HORMAD2: variants seen among roughly 807,000 people sequenced by gnomAD.
The protein encoded by HORMAD2 is HORMA domain-containing protein 2.
Under a neutral mutation model 38.8 loss-of-function variants are expected in HORMAD2, and 45 were observed. That is an observed-to-expected ratio of 1.16 (90% CI 0.91 to 1.49). The LOEUF (loss-of-function observed/expected upper bound fraction) is 1.49, where lower values mean the gene tolerates loss of function less well. Ranked by LOEUF, HORMAD2 falls within the 40% of genes most tolerant of loss-of-function variation. The pLI is 0.00. For synonymous variants in HORMAD2, 126 were observed against 122.8 expected (o/e 1.03, Z -0.17); for missense variants, 338 against 367.0 (o/e 0.92, Z 0.65).
the HORMAD2 span, among the ~76,000 whole-genome samples, chr22:30,185,116 G>A: frequency 1.3e-5 from 2 of 152,268 alleles, no homozygotes; most frequent in South Asian, 4.1e-4. Flanking sequence ...TCTAAATCTG[G>A]CACAGTACCT....
rs1484344958 is a variant in HORMAD2, at chr22:30,118,867, A to G, written c.343-113A>G. 9 of 691,446 alleles carry G rather than the reference A, an allele frequency of 1.3e-5. No homozygotes were observed. In the Admixed American group the frequency reaches 1.4e-4, roughly 10 times the overall value. 42.8% of individuals were successfully genotyped at this position (691,446 alleles called of 1,614,324 possible). A position where few individuals can be genotyped will look rare whatever the true frequency, so the allele number is the denominator to read the frequency against. On this transcript the variant is annotated intron_variant, in intron 7 of 10. Transcript: ENST00000336726. ...ATGTGATACTGTGAAACAAACAGCT[A>G]TATAGGAAGTACAGTAGATATACAG... is the stretch of plus-strand genomic sequence containing the variant.
intron 3 of HORMAD2, among the ~76,000 whole-genome samples, chr22:30,099,824 T>C (rs1053953149): frequency 5.3e-5 from 8 of 152,154 alleles, no homozygotes; most frequent in African/African-American, 1.9e-4. Flanking sequence ...GAGACAGATA[T>C]TGCAATGAGC....
intron 10 of HORMAD2, among the ~76,000 whole-genome samples, chr22:30,144,208 A>T (rs1293596076): frequency 1.3e-5 from 2 of 152,212 alleles, no homozygotes; most frequent in African/African-American, 4.8e-5. Context: ...TGTCCCAGGC[A>T]TATATTACTC....
chr22:30,078,523 T>C (rs1335885600), upstream of HORMAD2, among the ~76,000 whole-genome samples: 2 of 141,444 alleles, frequency 1.4e-5, no homozygotes, highest in Non-Finnish European at 3.0e-5. Context: ...GGAGAATCAC[T>C]TGAGCCTGGG....
At chr22:30,180,045 T>G (rs1055616935), downstream of HORMAD2, among the ~76,000 whole-genome samples, 1 of 152,060 alleles carries the variant, frequency 6.6e-6, no homozygotes. Flanking sequence ...CATGCCACCA[T>G]GCCCAGATAA....
intron 7 of HORMAD2, among the ~76,000 whole-genome samples, chr22:30,117,148 A>G (rs894361001): frequency 2.6e-5 from 4 of 152,224 alleles, no homozygotes; most frequent in Non-Finnish European, 1.5e-5. Context: ...TTTTCCCAAG[A>G]TCTGATCACC....
chr22:30,092,742 G>T lies in HORMAD2; in HGVS notation c.-37-1174G>T, dbSNP rs191575530. ...TTCTCCAGAACCATTTTTTGACAAGGGTATCTTTTCCCCAATGTATGTTCT... is the reference window on the plus strand; with the variant it reads ...TTCTCCAGAACCATTTTTTGACAAGTGTATCTTTTCCCCAATGTATGTTCT... On this transcript the variant is annotated intron_variant, in intron 1 of 10. Transcript: ENST00000336726. Among the ~76,000 whole-genome samples, 261 of 151,880 alleles carry T rather than the reference G, an allele frequency of 1.7e-3. 2 individuals are homozygous for T. The highest frequency in any genetic ancestry group is 0.017 in the Middle Eastern group (5 of 294).
At chr22:30,203,175 A>T in the HORMAD2 span, among the ~76,000 whole-genome samples, 2 of 152,192 alleles carry the variant, frequency 1.3e-5, no homozygotes, top group Non-Finnish European at 2.9e-5. Context: ...CGGGTGGATC[A>T]TTTGAGGTCA....
At chr22:30,086,632 ACT>A (rs751774601) in intron 1 of HORMAD2, among the ~76,000 whole-genome samples, 16 of 152,032 alleles carry the variant, frequency 1.1e-4, no homozygotes, top group South Asian at 4.1e-4. Context: ...TAATTTAAAA[ACT>A]CTGGCTGCAA....
rs1017500730 is a variant in HORMAD2 at position 30,137,510 on chromosome 22, G to A, written c.819+15296G>A. The A allele has an allele frequency of 2.0e-5, 3 of 152,730 alleles. No homozygotes were observed. In the Admixed American group the frequency reaches 2.0e-4, roughly 10 times the overall value. The allele number at this position is 152,730 out of a possible 1,614,324, so 9.5% of individuals were successfully genotyped here. On this transcript the variant is annotated intron_variant, in intron 10 of 10. Coordinates refer to ENST00000336726, the MANE Select transcript of HORMAD2 (RefSeq NM_152510.4). Reference sequence around the variant, plus strand: ...TTCAAAAAAGGAAGGAAGGAAGGGAGGGAGGGAGGGAGGGGGAATGGAAAG... The same window carrying A: ...TTCAAAAAAGGAAGGAAGGAAGGGAAGGAGGGAGGGAGGGGGAATGGAAAG...
At chr22:30,158,784 C>T (rs186913508) in intron 10 of HORMAD2, among the ~76,000 whole-genome samples, 387 of 151,628 alleles carry the variant, frequency 2.6e-3, no homozygotes, top group African/African-American at 9.0e-3. Context: ...TCCTGGGCTC[C>T]CGCGATCCTC....
Position 30,155,089 on chromosome 22 carries a change from A to G in HORMAD2, c.820-20974A>G, listed in dbSNP as rs112389060. 9.3e-3 allele frequency among the ~76,000 whole-genome samples: 1,404 copies of G among 151,684 alleles called. 8 individuals are homozygous for G. Among genetic ancestry groups the G allele is most frequent in the African/African-American group, 0.015 (633 of 41,384 alleles). On this transcript the variant is annotated intron_variant, in intron 10 of 10. Coordinates refer to ENST00000336726, the MANE Select transcript of HORMAD2 (RefSeq NM_152510.4). Reference sequence around the variant, plus strand: ...CCTTGCTTTTTTTAAAAAAAAAAAAAAAAGAAAGAAAGAAAGAAGGAATAT... The same window carrying G: ...CCTTGCTTTTTTTAAAAAAAAAAAAGAAAGAAAGAAAGAAAGAAGGAATAT...
chr22:30,116,910 C>T (rs1922082874), intron 7 of HORMAD2, among the ~76,000 whole-genome samples: 1 of 151,934 alleles, frequency 6.6e-6, no homozygotes, highest in South Asian at 2.1e-4. Flanking sequence ...AGAGCAATTA[C>T]ACCCAGCATT....
At chr22:30,104,008 T>G (rs1921006164) in intron 4 of HORMAD2, among the ~76,000 whole-genome samples, 1 of 152,172 alleles carries the variant, frequency 6.6e-6, no homozygotes, top group Non-Finnish European at 1.5e-5. Flanking sequence ...TTTGTAAGAA[T>G]TATTCAATAT....
chr22:30,192,183 A>G, the HORMAD2 span: 4 of 152,310 alleles, frequency 2.6e-5, no homozygotes, highest in African/African-American at 9.7e-5. Flanking sequence ...CGATGAAAGG[A>G]AGTCCTGAAC....
chr22:30,160,802 A>G (rs1569116349), intron 10 of HORMAD2, among the ~76,000 whole-genome samples: 1 of 152,242 alleles, frequency 6.6e-6, no homozygotes, highest in Non-Finnish European at 1.5e-5. Context: ...GTGTTTGAAT[A>G]TATTTTTTCA....
chr22:30,106,836 T>A (rs2146099322), intron 5 of HORMAD2, among the ~76,000 whole-genome samples: 1 of 152,360 alleles, frequency 6.6e-6, no homozygotes, highest in South Asian at 2.1e-4. Flanking sequence ...GTTAATAATC[T>A]AAAGCAGTGG....
chr22:30,137,049 C>G (rs1323310444), intron 10 of HORMAD2: 2 of 375,024 alleles, frequency 5.3e-6, no homozygotes, highest in Non-Finnish European at 9.9e-6. Flanking sequence ...AAAATCAACA[C>G]AAAACAGACA....
intron 1 of HORMAD2, among the ~76,000 whole-genome samples, chr22:30,087,116 C>A (rs1432909518): frequency 6.6e-6 from 1 of 152,206 alleles, no homozygotes; most frequent in East Asian, 1.9e-4. Context: ...CCACCTCAGC[C>A]TCCCAAAGTC....
Sources: gnomAD v4.1 joint callset for allele counts (sites outside exome capture counted in the v4.1 genomes callset) on GRCh38, gnomAD v4.1.1 for gene constraint, MANE v1.5 for transcripts, NCBI Gene and HGNC (gene_info 2026-07-23, HGNC 2026-07-21) for gene names.